Variants in CACNA1D observed in about 807,000 individuals in gnomAD.
The protein encoded by CACNA1D is calcium voltage-gated channel subunit alpha1 D.
Under a neutral mutation model 257.1 loss-of-function variants are expected in CACNA1D, and 55 were observed. That is an observed-to-expected ratio of 0.21 (90% CI 0.17 to 0.27). The LOEUF (loss-of-function observed/expected upper bound fraction) is 0.27, where lower values mean the gene tolerates loss of function less well. Ranked by LOEUF, CACNA1D falls within the 10% of genes least tolerant of loss-of-function variation. The probability of loss-of-function intolerance (pLI) is 1.00; values close to 1 mark genes in which losing one functional copy is unlikely to be tolerated. For missense variants in CACNA1D, 1,876 were observed against 2,784.0 expected (o/e 0.67, Z 7.34); for synonymous variants, 980 against 1,014.9 (o/e 0.97, Z 0.65).
chr3:53,658,147 G>T (rs1367348618), intron 4 of CACNA1D, among the ~76,000 whole-genome samples: 2 of 150,074 alleles, frequency 1.3e-5, no homozygotes, highest in Non-Finnish European at 3.0e-5. Flanking sequence ...TCTAGAGTCA[G>T]TTACTCCTTT....
At position 53,800,003 on chromosome 3, in the gene CACNA1D, T is replaced by G; in HGVS notation, c.4924-246T>G. The G allele has an allele frequency of 1.8e-6, 1 of 559,118 alleles. No homozygotes were observed. The highest frequency in any genetic ancestry group is 3.2e-6 in the Non-Finnish European group (1 of 309,764). The allele number at this position is 559,118 out of a possible 1,614,324, so 34.6% of individuals were successfully genotyped here. ...AGGCAGTGTTCCTTGGAAGTGGGGG[T>G]TTTGCAAAGGAGGTTACGGGGTTGC... On this transcript the variant is annotated intron_variant, in intron 40 of 47. Coordinates refer to ENST00000350061, the MANE Select transcript of CACNA1D (RefSeq NM_001128840.3). The surrounding 1 kb of genome is among the most constrained non-coding windows in gnomAD (Gnocchi z 4.3).
At chr3:53,624,137 A>G (rs1052275466) in intron 3 of CACNA1D, among the ~76,000 whole-genome samples, 3 of 152,214 alleles carry the variant, frequency 2.0e-5, no homozygotes, top group Admixed American at 2.0e-4. Flanking sequence ...ACATCCTTCT[A>G]GATAGCAATA....
At chr3:53,535,067 C>G (rs531193379) in intron 3 of CACNA1D, among the ~76,000 whole-genome samples, 1 of 152,290 alleles carries the variant, frequency 6.6e-6, no homozygotes, top group African/African-American at 2.4e-5. Flanking sequence ...ACACAGGCAC[C>G]CAGGCAAGGG....
chr3:53,507,072 C>CAAAAAAAAAAAAAAAAAAAAAAAA (rs781421977), intron 3 of CACNA1D, among the ~76,000 whole-genome samples: 1 of 56,704 alleles, frequency 1.8e-5, no homozygotes, highest in Non-Finnish European at 3.4e-5. Flanking sequence ...GACTCTATCT[C>CAAAAAAAAAAAAAAAAAAAAAAAA]AAAAAAAAAA....
chr3:53,709,661 G>A (rs1218407168), intron 9 of CACNA1D, among the ~76,000 whole-genome samples: 1 of 152,176 alleles, frequency 6.6e-6, no homozygotes, highest in Admixed American at 6.5e-5. Context: ...CTAAAGACTA[G>A]CTGGCTTAGA....
At chr3:53,573,549 A>G (rs1396727323) in intron 3 of CACNA1D, among the ~76,000 whole-genome samples, 1 of 152,170 alleles carries the variant, frequency 6.6e-6, no homozygotes, top group Admixed American at 6.5e-5. Context: ...CTGACACTCC[A>G]TACTGAACTT....
chr3:53,579,268 A>C (rs2107736804), intron 3 of CACNA1D, among the ~76,000 whole-genome samples: 1 of 152,372 alleles, frequency 6.6e-6, no homozygotes, highest in Non-Finnish European at 1.5e-5. Context: ...TTCTGGAATC[A>C]AACAGATGGA....
intron 39 of CACNA1D, 91 bp from the exon 40 acceptor site, chr3:53,786,731 G>GGCCCCCC: frequency 2.9e-6 from 1 of 345,080 alleles, no homozygotes; most frequent in Non-Finnish European, 5.3e-6. Flanking sequence ...GCCCCACTCT[G>GGCCCCCC]CCCCTGCCCC....
chr3:53,567,056 T>G (rs537740203), intron 3 of CACNA1D, among the ~76,000 whole-genome samples: 1 of 152,310 alleles, frequency 6.6e-6, no homozygotes, highest in Admixed American at 6.5e-5. Flanking sequence ...CAACTAGCAT[T>G]TCCATTCTGA....
intron 22 of CACNA1D, among the ~76,000 whole-genome samples, chr3:53,743,438 C>A (rs1454521676): frequency 2.0e-5 from 3 of 152,186 alleles, no homozygotes. Flanking sequence ...GATTCCAGGG[C>A]CTTGAGGGCA....
chr3:53,753,793 A>C, intron 29 of CACNA1D, 111 bp downstream of exon 29: 1 of 738,820 alleles, frequency 1.4e-6, no homozygotes, highest in Non-Finnish European at 2.5e-6. Context: ...CTGGCCGCTA[A>C]CTGGGTTACC....
At chr3:53,512,538 C>G (rs2091156374) in intron 3 of CACNA1D, among the ~76,000 whole-genome samples, 1 of 152,170 alleles carries the variant, frequency 6.6e-6, no homozygotes, top group Non-Finnish European at 1.5e-5. Flanking sequence ...GGGTCTGTTC[C>G]TTTTTCAGAC....
At chr3:53,628,816 T>G (rs1013888341) in intron 3 of CACNA1D, among the ~76,000 whole-genome samples, 4 of 152,194 alleles carry the variant, frequency 2.6e-5, no homozygotes, top group Non-Finnish European at 5.9e-5. Context: ...GTAAAAATGT[T>G]TGTGTTTGCA....
At chr3:53,665,627 G>C in intron 5 of CACNA1D, 33 bp from the exon 6 acceptor site, 1 of 1,593,552 alleles carries the variant, frequency 6.3e-7, no homozygotes, top group Non-Finnish European at 8.6e-7. Context: ...TGCCTTCCTG[G>C]CTCACAAACT....
chr3:53,776,510 A>G, intron 35 of CACNA1D, 93 bp from the exon 36 acceptor site: 2 of 1,469,056 alleles, frequency 1.4e-6, no homozygotes, highest in Non-Finnish European at 1.9e-6. Flanking sequence ...ATGGGTTCCC[A>G]TGTTTCATGT....
chr3:53,703,915 C>G (rs953681257), intron 9 of CACNA1D, among the ~76,000 whole-genome samples: 1 of 152,096 alleles, frequency 6.6e-6, no homozygotes, highest in Non-Finnish European at 1.5e-5. Flanking sequence ...GACGAGGGAT[C>G]GAGGACAGGG....
At chr3:53,739,018 A>T (rs2095087461) in intron 20 of CACNA1D, among the ~76,000 whole-genome samples, 1 of 152,236 alleles carries the variant, frequency 6.6e-6, no homozygotes, top group South Asian at 2.1e-4. Flanking sequence ...GTCCCACAGA[A>T]TTCATAAGTC....
chr3:53,747,915 TCTC>T lies in CACNA1D; in HGVS notation c.3314+469_3314+471del, dbSNP rs771167275. On this transcript the variant is annotated intron_variant, in intron 26 of 47. Transcript: ENST00000350061. ...AGACCATGCTGTGCAGAGGCTTGTG[TCTC>T]CCCACCCGTTAAAAATGTCTAACTG... Among the ~76,000 whole-genome samples the T allele has an allele frequency of 8.5e-5, 13 of 152,340 alleles. No individual in the cohort carries two copies. In the South Asian group the frequency reaches 1.2e-3, roughly 15 times the overall value.
chr3:53,573,273 C>T (rs538333423), intron 3 of CACNA1D, among the ~76,000 whole-genome samples: 1 of 152,214 alleles, frequency 6.6e-6, no homozygotes, highest in East Asian at 1.9e-4. Context: ...TTGTTTTGCA[C>T]CCCCGTAGGA....
Sources: gnomAD v4.1 joint callset for allele counts (sites outside exome capture counted in the v4.1 genomes callset) on GRCh38, gnomAD v4.1.1 for gene constraint, Gnocchi (gnomAD v3.1) non-coding constraint, MANE v1.5 for transcripts, NCBI Gene and HGNC (gene_info 2026-07-23, HGNC 2026-07-21) for gene names.